Variants in MIDEAS observed in about 807,000 individuals in gnomAD.
The protein encoded by MIDEAS is mitotic deacetylase associated SANT domain protein.
MIDEAS carries 26 observed loss-of-function variants against 102.7 expected under a neutral mutation model. The observed-to-expected ratio is 0.25, with a 90% CI of 0.19 to 0.35. The LOEUF is 0.35. MIDEAS is among the 10% of genes least tolerant of loss of function. The probability of loss-of-function intolerance (pLI) is 1.00; values close to 1 mark genes in which losing one functional copy is unlikely to be tolerated. For synonymous variants in MIDEAS, 585 were observed against 591.0 expected, an observed-to-expected ratio of 0.99 and a Z score of 0.15; for missense variants, 1,231 against 1,435.6, an observed-to-expected ratio of 0.86 and a Z score of 2.30.
chr14:73,761,250 T>C (rs1410528833), upstream of MIDEAS, among the ~76,000 whole-genome samples: 3 of 152,096 alleles, frequency 2.0e-5, no homozygotes, highest in Non-Finnish European at 4.4e-5. Context: ...TCCCTCACTT[T>C]CTCAGGGAGA....
At chr14:73,748,132 G>GAAC (rs1454030679) in intron 1 of MIDEAS, among the ~76,000 whole-genome samples, 1 of 152,106 alleles carries the variant, frequency 6.6e-6, no homozygotes, top group African/African-American at 2.4e-5. Context: ...GACAGTAATA[G>GAAC]AAGAACAAAA....
chr14:73,780,942 TTG>T (rs1555346348), intron 1 of MIDEAS, among the ~76,000 whole-genome samples: 1 of 142,052 alleles, frequency 7.0e-6, no homozygotes, highest in African/African-American at 2.5e-5. Context: ...TTTTGTTTTT[TTG>T]TTGTTGTTGT....
At chr14:73,765,104 A>C, upstream of MIDEAS, among the ~76,000 whole-genome samples, 1 of 152,232 alleles carries the variant, frequency 6.6e-6, no homozygotes, top group East Asian at 1.9e-4. Context: ...CCCTCTGCAG[A>C]ACTAGTCCCA....
chr14:73,749,872 C>T (rs915179787), intron 1 of MIDEAS, among the ~76,000 whole-genome samples: 1 of 152,178 alleles, frequency 6.6e-6, no homozygotes, highest in African/African-American at 2.4e-5. Context: ...CCTAGGCAGC[C>T]GCAGAGCTCA....
chr14:73,750,906 TTCA>T (rs1240921280), intron 1 of MIDEAS, among the ~76,000 whole-genome samples: 3 of 152,234 alleles, frequency 2.0e-5, no homozygotes, highest in African/African-American at 7.2e-5. Context: ...CAAACAAGGC[TTCA>T]TCAATACCTC....
At chr14:73,719,050 C>A in intron 12 of MIDEAS, 42 bp from the exon 13 acceptor site, 1 of 1,449,874 alleles carries the variant, frequency 6.9e-7, no homozygotes, top group Non-Finnish European at 9.0e-7. Flanking sequence ...CCTAGCCCAC[C>A]CGGGGGCCCC....
At chr14:73,764,684 G>A (rs981094846), upstream of MIDEAS, among the ~76,000 whole-genome samples, 1 of 152,238 alleles carries the variant, frequency 6.6e-6, no homozygotes, top group Non-Finnish European at 1.5e-5. Context: ...ACTGTGTGCT[G>A]AGATGTCTCT....
chr14:73,788,963 G>A (rs2140188556), upstream of MIDEAS: 2 of 152,230 alleles, frequency 1.3e-5, no homozygotes, highest in South Asian at 4.1e-4. Flanking sequence ...GGAGTAATTA[G>A]CAGACAGTGT....
intron 3 of MIDEAS, among the ~76,000 whole-genome samples, chr14:73,734,402 G>A (rs1035610327): frequency 1.3e-4 from 20 of 151,900 alleles, no homozygotes; most frequent in African/African-American, 4.6e-4. Flanking sequence ...ACAGGGTTTG[G>A]GTTTTTTGTT....
intron 1 of MIDEAS, among the ~76,000 whole-genome samples, chr14:73,748,254 G>C (rs2053378185): frequency 6.6e-6 from 1 of 152,090 alleles, no homozygotes; most frequent in South Asian, 2.1e-4. Flanking sequence ...AAAAGGCAGA[G>C]GTTGGCAGAA....
At position 73,739,942 on chromosome 14, in the gene MIDEAS, G is replaced by T; in HGVS notation, c.67C>A (p.Pro23Thr). The T allele has an allele frequency of 1.3e-6, 2 of 1,517,672 alleles. No homozygotes were observed. Among genetic ancestry groups the T allele is most frequent in the Non-Finnish European group, 1.8e-6 (2 of 1,133,202 alleles). 94.0% of individuals were successfully genotyped at this position (1,517,672 alleles called of 1,614,324 possible). A position where few individuals can be genotyped will look rare whatever the true frequency, so the allele number is the denominator to read the frequency against. Residue 23 changes from proline to threonine, a missense_variant, in exon 2 of 13, where the codon CCA becomes ACA. Physicochemically the swap from Pro to Thr is conservative, Grantham distance 38 (BLOSUM62 -1). Transcript: ENST00000423556. ...RKRCLFGGQE[P>T]APKEQPPPLQ... ...GGAGGGGGCTGCTCCTTGGGAGCTG[G>T]TTCCTGGCCCCCGAAGAGGCAACGC...
At chr14:73,726,199 G>GA in intron 7 of MIDEAS, 91 bp from the exon 8 acceptor site, 1 of 1,039,282 alleles carries the variant, frequency 9.6e-7, no homozygotes, top group Non-Finnish European at 1.5e-6. Context: ...CCCGAGTAGG[G>GA]TGGACACTTA....
At chr14:73,719,052 G>C in intron 12 of MIDEAS, 44 bp from the exon 13 acceptor site, 1 of 1,448,402 alleles carries the variant, frequency 6.9e-7, no homozygotes, top group Non-Finnish European at 9.0e-7. Flanking sequence ...TAGCCCACCC[G>C]GGGGCCCCCA....
intron 1 of MIDEAS, among the ~76,000 whole-genome samples, chr14:73,741,714 G>A (rs1331518251): frequency 1.3e-5 from 2 of 152,156 alleles, no homozygotes; most frequent in Admixed American, 6.5e-5. Flanking sequence ...GCCCGCCTGC[G>A]TGACTCACTG....
At chr14:73,721,012 G>C (rs2052981433) in intron 11 of MIDEAS, among the ~76,000 whole-genome samples, 1 of 152,180 alleles carries the variant, frequency 6.6e-6, no homozygotes, top group Non-Finnish European at 1.5e-5. Context: ...CTCAGATACA[G>C]AAGCAGTAGA....
chr14:73,741,353 G>T (rs952818222), intron 1 of MIDEAS, among the ~76,000 whole-genome samples: 1 of 151,654 alleles, frequency 6.6e-6, no homozygotes, highest in South Asian at 2.1e-4. Flanking sequence ...TCAGAGTGAT[G>T]TTTGGGTTTT....
rs192317821 is a variant in MIDEAS, at chr14:73,756,005, A to T, written c.-248+3758T>A. 6.0e-3 allele frequency among the ~76,000 whole-genome samples: 913 copies of T among 152,322 alleles called. 5 individuals carry two copies. Among genetic ancestry groups the T allele is most frequent in the Non-Finnish European group, 0.01 (690 of 68,024 alleles). ...TTTACAGGTGAGGCAACTGAGGCCC[A>T]AGAAGTTAAGCAATGCCCAAAGCCA... On this transcript the variant is annotated intron_variant, in intron 1 of 12. Transcript: ENST00000423556.
rs571801301 is a variant in MIDEAS at position 73,742,572 on chromosome 14, C to T, written c.-247-2317G>A. ...TCAGCTGGGAAGCCTCCCACTCCCA[C>T]CCTGCACATCAAGGAGGGCCATCAT... On this transcript the variant is annotated intron_variant, in intron 1 of 12. Coordinates refer to ENST00000423556, the MANE Select transcript of MIDEAS (RefSeq NM_001367710.1). The surrounding 1 kb of genome is among the most constrained non-coding windows in gnomAD (Gnocchi z 4.4). Among the ~76,000 whole-genome samples the T allele has an allele frequency of 2.0e-5, 3 of 152,342 alleles. No individual in the cohort carries two copies. The highest frequency in any genetic ancestry group is 4.8e-5 in the African/African-American group (2 of 41,578).
intron 4 of MIDEAS, chr14:73,729,242 C>T (rs1357271648): frequency 5.9e-6 from 1 of 169,324 alleles, no homozygotes; most frequent in Non-Finnish European, 1.3e-5. Context: ...TGCTAATGCA[C>T]CTGAGCCTAG....
Sources: gnomAD v4.1 joint callset for allele counts (sites outside exome capture counted in the v4.1 genomes callset) on GRCh38, gnomAD v4.1.1 for gene constraint, Gnocchi (gnomAD v3.1) non-coding constraint, MANE v1.5 for transcripts, NCBI Gene and HGNC (gene_info 2026-07-23, HGNC 2026-07-21) for gene names.